TENM4: variants seen among roughly 807,000 people sequenced by gnomAD.
TENM4 encodes teneurin transmembrane protein 4, also known as teneurin-4.
In TENM4, 82 loss-of-function variants were observed where a neutral mutation model predicts 243.3. That is an observed-to-expected ratio of 0.34 (90% confidence interval 0.28 to 0.40). TENM4 has a LOEUF of 0.40. Among genes scored for constraint, TENM4 ranks in the 10% least tolerant of loss-of-function variants. The pLI is 1.00. For synonymous variants in TENM4, 1,412 were observed against 1,456.3 expected (o/e 0.97, Z 0.69); for missense variants, 3,138 against 3,673.3 (o/e 0.85, Z 3.77).
intron 2 of TENM4, among the ~76,000 whole-genome samples, chr11:79,222,247 A>G (rs576567886): frequency 7.2e-5 from 11 of 152,356 alleles, no homozygotes; most frequent in African/African-American, 2.6e-4. Flanking sequence ...AAGTGAGAGC[A>G]TGCAGCGTTT....
chr11:79,046,472 A>G (rs1420185469), intron 6 of TENM4, among the ~76,000 whole-genome samples: 3 of 152,288 alleles, frequency 2.0e-5, no homozygotes, highest in East Asian at 3.9e-4. Flanking sequence ...GACAAGTTGA[A>G]GTGCTGACCC....
At chr11:78,766,901 G>A (rs1027861231) in intron 18 of TENM4, among the ~76,000 whole-genome samples, 13 of 151,862 alleles carry the variant, frequency 8.6e-5, no homozygotes, top group Admixed American at 3.9e-4. Flanking sequence ...ATGGGGTTTC[G>A]CCATGTTGGC....
At chr11:78,837,770 A>G (rs1030043187) in intron 12 of TENM4, among the ~76,000 whole-genome samples, 1 of 152,286 alleles carries the variant, frequency 6.6e-6, no homozygotes, top group African/African-American at 2.4e-5. Flanking sequence ...AATTATAAGC[A>G]TTTTCCCATA....
intron 2 of TENM4, among the ~76,000 whole-genome samples, chr11:79,295,808 C>T (rs1357903171): frequency 6.6e-6 from 1 of 150,984 alleles, no homozygotes; most frequent in African/African-American, 2.4e-5. Context: ...TTTAATGAGG[C>T]TTATTAAAAG....
intron 4 of TENM4, among the ~76,000 whole-genome samples, chr11:79,120,356 T>G (rs1861716363): frequency 1.3e-5 from 2 of 152,168 alleles, no homozygotes; most frequent in Non-Finnish European, 2.9e-5. Context: ...AAGAGGCAAA[T>G]GTAAAACAGA....
At chr11:79,231,397 T>A (rs1043185097) in intron 2 of TENM4, among the ~76,000 whole-genome samples, 5 of 151,132 alleles carry the variant, frequency 3.3e-5, no homozygotes, top group African/African-American at 1.2e-4. Flanking sequence ...TTTTTTTTTT[T>A]AATTTAAAGG....
intron 19 of TENM4, chr11:78,756,528 A>C (rs905245097): frequency 1.7e-5 from 7 of 420,856 alleles, no homozygotes; most frequent in African/African-American, 4.0e-5. Flanking sequence ...GTATTGATCC[A>C]AGATTCCCCT....
intron 12 of TENM4, among the ~76,000 whole-genome samples, chr11:78,815,392 A>G (rs1857585941): frequency 6.6e-6 from 1 of 152,156 alleles, no homozygotes; most frequent in South Asian, 2.1e-4. Context: ...TCTCAAAAAA[A>G]AAAAAAGTTT....
intron 1 of TENM4, among the ~76,000 whole-genome samples, chr11:79,300,281 G>A (rs918390519): frequency 2.6e-5 from 4 of 152,126 alleles, no homozygotes; most frequent in African/African-American, 4.8e-5. Context: ...TCCACACAAT[G>A]TACATTCAGA....
At chr11:79,356,061 A>C (rs1351556782) in intron 1 of TENM4, among the ~76,000 whole-genome samples, 1 of 152,192 alleles carries the variant, frequency 6.6e-6, no homozygotes, top group East Asian at 1.9e-4. Flanking sequence ...TGAGCCACCC[A>C]GTGGTGGATC....
At chr11:79,266,865 T>C (rs1006753982) in intron 2 of TENM4, among the ~76,000 whole-genome samples, 1 of 152,232 alleles carries the variant, frequency 6.6e-6, no homozygotes, top group Non-Finnish European at 1.5e-5. Flanking sequence ...GAAGGATCTC[T>C]GCCCTTCAGT....
At chr11:78,871,206 T>C (rs1325063735) in intron 9 of TENM4, among the ~76,000 whole-genome samples, 1 of 152,206 alleles carries the variant, frequency 6.6e-6, no homozygotes, top group Non-Finnish European at 1.5e-5. Context: ...CTTTACTCTT[T>C]TGAGCCTCTG....
chr11:79,260,025 G>T (rs965437741), intron 2 of TENM4, among the ~76,000 whole-genome samples: 7 of 152,206 alleles, frequency 4.6e-5, no homozygotes, highest in African/African-American at 1.7e-4. Context: ...AGGGCTGTGG[G>T]TGGTGGAGAG....
At chr11:79,344,670 C>T (rs534784347) in intron 1 of TENM4, among the ~76,000 whole-genome samples, 1 of 152,182 alleles carries the variant, frequency 6.6e-6, no homozygotes, top group Admixed American at 6.5e-5. Flanking sequence ...TCATGCTGGG[C>T]CCTTCCTTTT....
chr11:79,385,445 A>G (rs1025073412), intron 1 of TENM4, among the ~76,000 whole-genome samples: 2 of 152,186 alleles, frequency 1.3e-5, no homozygotes, highest in Non-Finnish European at 2.9e-5. Context: ...TAAACCCTCT[A>G]TTTGTGCCTC....
intron 1 of TENM4, among the ~76,000 whole-genome samples, chr11:79,382,382 G>A (rs759634891): frequency 2.0e-5 from 3 of 152,130 alleles, no homozygotes; most frequent in Non-Finnish European, 4.4e-5. Flanking sequence ...CCTTGTGCAG[G>A]CTTCGCTTTC....
intron 1 of TENM4, among the ~76,000 whole-genome samples, chr11:79,367,876 G>T (rs1364260019): frequency 6.6e-6 from 1 of 152,156 alleles, no homozygotes; most frequent in Non-Finnish European, 1.5e-5. Context: ...CAGGGTGGTG[G>T]GGTCTTTTAT....
At chr11:78,793,721 C>T (rs1182523417) in intron 15 of TENM4, among the ~76,000 whole-genome samples, 2 of 152,226 alleles carry the variant, frequency 1.3e-5, no homozygotes, top group Non-Finnish European at 2.9e-5. Flanking sequence ...ATTAAATTCT[C>T]TCAATAGTCC....
At chr11:78,813,941 T>C (rs1290414920) in intron 13 of TENM4, among the ~76,000 whole-genome samples, 3 of 152,212 alleles carry the variant, frequency 2.0e-5, no homozygotes, top group African/African-American at 4.8e-5. Context: ...ACTTCAAAGA[T>C]GCACGGCCAG....
Sources: gnomAD v4.1 joint callset for allele counts (sites outside exome capture counted in the v4.1 genomes callset) on GRCh38, gnomAD v4.1.1 for gene constraint, MANE v1.5 for transcripts, NCBI Gene and HGNC (gene_info 2026-07-23, HGNC 2026-07-21) for gene names.